Variants in ADGRV1 observed in about 807,000 individuals in gnomAD.
ADGRV1 encodes the protein G-protein coupled receptor 98.
A neutral mutation model predicts 596.2 loss-of-function variants in ADGRV1; 359 were observed. The observed-to-expected ratio is 0.60, with a 90% CI of 0.55 to 0.66. The LOEUF (loss-of-function observed/expected upper bound fraction) is 0.66, where lower values mean the gene tolerates loss of function less well. Ranked by LOEUF, ADGRV1 falls within the 30% of genes least tolerant of loss-of-function variation. The pLI, the probability that ADGRV1 is intolerant of heterozygous loss-of-function variation, is 0.00. For synonymous variants in ADGRV1, 2,681 were observed against 2,679.2 expected (o/e 1.00, Z -0.02); for missense variants, 7,274 against 7,575.6 (o/e 0.96, Z 1.48).
rs1773053909 is a variant in ADGRV1 at position 90,675,248 on chromosome 5, C to G, written c.5116C>G (p.Leu1706Val). 1 of 1,612,752 alleles carries G rather than the reference C, an allele frequency of 6.2e-7. No individual in the cohort carries two copies. The highest frequency in any genetic ancestry group is 1.7e-5 in the Admixed American group (1 of 59,922). ...IKASDHPYGL[L>V]QFSTGLPPQP... The stretch of plus-strand genomic sequence containing the variant: ...GGCCCCTTTGTCTCCACTAGGCTTG[C>G]TGCAGTTCTCCACAGGGCTGCCTCC... Residue 1706 changes from leucine to valine, a missense_variant, in exon 24 of 90, where the codon CTG becomes GTG. Leu to Val is a conservative substitution (Grantham distance 32, BLOSUM62 1). Transcript: ENST00000405460.
At chr5:90,626,873 A>G (rs1764830507) in intron 6 of ADGRV1, among the ~76,000 whole-genome samples, 1 of 152,240 alleles carries the variant, frequency 6.6e-6, no homozygotes, top group Non-Finnish European at 1.5e-5. Context: ...TTCTAAGCAT[A>G]TCAAACTGAT....
intron 85 of ADGRV1, among the ~76,000 whole-genome samples, chr5:91,018,462 G>T (rs1284015594): frequency 1.3e-5 from 2 of 151,946 alleles, no homozygotes; most frequent in African/African-American, 4.8e-5. Context: ...AAGAAAAGCT[G>T]AGATTTATGT....
At chr5:90,971,112 A>G (rs1337318554) in intron 84 of ADGRV1, among the ~76,000 whole-genome samples, 2 of 152,218 alleles carry the variant, frequency 1.3e-5, no homozygotes, top group African/African-American at 2.4e-5. Context: ...TCAGTGATGG[A>G]AGATGAAATG....
chr5:90,776,950 A>T (rs571383542), intron 61 of ADGRV1, among the ~76,000 whole-genome samples: 2 of 152,282 alleles, frequency 1.3e-5, no homozygotes, highest in East Asian at 3.9e-4. Context: ...CATTCCTTAG[A>T]ACATCATCAG....
chr5:90,675,327 T>C lies in ADGRV1; in HGVS notation c.5195T>C (p.Val1732Ala), dbSNP rs770436243. The stretch of plus-strand genomic sequence containing the variant: ...GCAAGCAGCGTTCCACATATCACTG[T>C]GGAGGAGGAAGATGGAGAAATCAGG... ...LPASSVPHIT[V>A]EEEDGEIRLL... is the part of the protein sequence containing the mutation. Residue 1732 changes from valine to alanine, a missense_variant, in exon 24 of 90, where the codon GTG (valine) becomes GCG (alanine). Val to Ala is a moderately conservative substitution (Grantham distance 64). Coordinates refer to ENST00000405460, the MANE Select transcript of ADGRV1 (RefSeq NM_032119.4). The C allele has an allele frequency of 6.2e-7, 1 of 1,613,802 alleles. No homozygotes were observed.
intron 83 of ADGRV1, 41 bp downstream of exon 83, chr5:90,863,898 T>C (rs1442727850): frequency 9.5e-6 from 12 of 1,262,876 alleles, no homozygotes; most frequent in African/African-American, 1.5e-5. Context: ...GTGAGATGTT[T>C]GTGTTTCTTC....
chr5:91,120,465 C>A (rs2126741910), intron 87 of ADGRV1, among the ~76,000 whole-genome samples: 1 of 152,262 alleles, frequency 6.6e-6, no homozygotes, highest in Non-Finnish European at 1.5e-5. Flanking sequence ...CCCTCATAGT[C>A]CATGTGGATC....
At chr5:90,692,816 G>A (rs1233526623) in intron 32 of ADGRV1, 30 bp downstream of exon 32, 2 of 1,524,110 alleles carry the variant, frequency 1.3e-6, no homozygotes, top group Non-Finnish European at 1.8e-6. Flanking sequence ...GCCTCTGTGG[G>A]AGTGATGAGA....
intron 85 of ADGRV1, among the ~76,000 whole-genome samples, chr5:91,069,818 C>G (rs1308398950): frequency 6.6e-6 from 1 of 151,732 alleles, no homozygotes; most frequent in East Asian, 1.9e-4. Flanking sequence ...ATATGTTCAT[C>G]ACAGCACTAT....
chr5:91,043,018 A>G lies in ADGRV1; in HGVS notation c.18153-29429A>G, dbSNP rs529881828. On this transcript the variant is annotated intron_variant, in intron 85 of 89. Transcript: ENST00000405460. Reference sequence around the variant, plus strand: ...CATTTTTATTAATGTTTGCTCAGCAACAGTCTGAGCTTTGTATGGTTGCTT... The same window carrying G: ...CATTTTTATTAATGTTTGCTCAGCAGCAGTCTGAGCTTTGTATGGTTGCTT... Among the ~76,000 whole-genome samples, 3 of 152,292 alleles carry G rather than the reference A, an allele frequency of 2.0e-5. No individual in the cohort carries two copies. In the South Asian group the frequency reaches 6.2e-4, roughly 32 times the overall value.
chr5:91,044,545 T>C (rs1224823912), intron 85 of ADGRV1, among the ~76,000 whole-genome samples: 1 of 152,176 alleles, frequency 6.6e-6, no homozygotes, highest in Non-Finnish European at 1.5e-5. Flanking sequence ...GTTGCCTTGC[T>C]TTACCACATA....
intron 15 of ADGRV1, 115 bp from the exon 16 acceptor site, chr5:90,645,853 A>G (rs987861841): frequency 1.3e-6 from 1 of 743,220 alleles, no homozygotes; most frequent in African/African-American, 1.8e-5. Context: ...CGAAAAGGAA[A>G]TGAATAATGG....
chr5:91,055,639 G>GGTA (rs1346634895), intron 85 of ADGRV1, among the ~76,000 whole-genome samples: 1 of 152,114 alleles, frequency 6.6e-6, no homozygotes, highest in Non-Finnish European at 1.5e-5. Flanking sequence ...AGTTCACATC[G>GGTA]GTAAGCTCTT....
intron 17 of ADGRV1, among the ~76,000 whole-genome samples, chr5:90,648,130 C>T (rs1768065161): frequency 1.3e-5 from 2 of 152,140 alleles, no homozygotes; most frequent in South Asian, 4.1e-4. Flanking sequence ...GTAGCATTTT[C>T]CTTGGAGCAG....
intron 50 of ADGRV1, among the ~76,000 whole-genome samples, chr5:90,735,166 A>G (rs1252085400): frequency 1.3e-5 from 2 of 152,158 alleles, no homozygotes; most frequent in Admixed American, 1.3e-4. Flanking sequence ...TAAGGTCTTT[A>G]ATTTATTTTG....
chr5:90,954,465 A>G (rs1777304768), intron 83 of ADGRV1, among the ~76,000 whole-genome samples: 1 of 152,142 alleles, frequency 6.6e-6, no homozygotes, highest in African/African-American at 2.4e-5. Context: ...TTTAAGTAAA[A>G]ACATTTGAAC....
chr5:90,710,173 G>A (rs1749151926), intron 39 of ADGRV1, among the ~76,000 whole-genome samples: 1 of 152,054 alleles, frequency 6.6e-6, no homozygotes, highest in African/African-American at 2.4e-5. Context: ...CCCCATCCAG[G>A]CAGCTACCAT....
At position 91,030,372 on chromosome 5, in the gene ADGRV1, T is replaced by C. The variant is rs116120805; in HGVS notation, c.18153-42075T>C. Among the ~76,000 whole-genome samples, 869 of 152,228 alleles carry C rather than the reference T, an allele frequency of 5.7e-3. 11 individuals carry two copies. Among genetic ancestry groups the C allele is most frequent in the Middle Eastern group, 0.02 (6 of 294 alleles). On this transcript the variant is annotated intron_variant, in intron 85 of 89. Transcript: ENST00000405460. The stretch of plus-strand genomic sequence containing the variant: ...TGGTATTTTGGTATCTAAATTATGA[T>C]AACATAAAAAATGAAGTGGAGAGAA...
intron 63 of ADGRV1, 43 bp from the exon 64 acceptor site, chr5:90,778,822 A>T: frequency 7.4e-6 from 11 of 1,484,478 alleles, no homozygotes; most frequent in Non-Finnish European, 1.0e-5. Context: ...ATTGTCTGGT[A>T]GATTAAACAT....
Sources: gnomAD v4.1 joint callset for allele counts (sites outside exome capture counted in the v4.1 genomes callset) on GRCh38, gnomAD v4.1.1 for gene constraint, MANE v1.5 for transcripts, NCBI Gene and HGNC (gene_info 2026-07-23, HGNC 2026-07-21) for gene names.